The following COL21A1 variants were observed in gnomAD, a reference collection of about 807,000 sequenced individuals.
COL21A1 encodes collagen type XXI alpha 1 chain.
Under a neutral mutation model 137.9 loss-of-function variants are expected in COL21A1, and 149 were observed. The ratio of observed to expected loss-of-function variants is 1.08; its 90% CI spans 0.95 to 1.24. The LOEUF is 1.24. Among genes scored for constraint, COL21A1 ranks in the 50% most tolerant of loss-of-function variants. The probability of loss-of-function intolerance (pLI) is 0.00; values close to 1 mark genes in which losing one functional copy is unlikely to be tolerated. For missense variants in COL21A1, 1,167 were observed against 1,158.4 expected (o/e 1.01, Z -0.11); for synonymous variants, 456 against 391.5 (o/e 1.16, Z -1.95).
At chr6:56,291,351 G>A (rs114450800) in intron 1 of COL21A1, among the ~76,000 whole-genome samples, 339 of 152,252 alleles carry the variant, frequency 2.2e-3, no homozygotes, top group African/African-American at 7.7e-3. Flanking sequence ...CATTTTGAGA[G>A]CACTGGAAAA....
rs527874556 is a variant in COL21A1, at chr6:56,304,307, G to A, written c.-39+89664C>T. Among the ~76,000 whole-genome samples, 338 of 152,042 alleles carry A rather than the reference G, an allele frequency of 2.2e-3. 2 individuals are homozygous for A. Among genetic ancestry groups the A allele is most frequent in the African/African-American group, 7.7e-3 (320 of 41,462 alleles). On this transcript the variant is annotated intron_variant, in intron 1 of 28. Coordinates refer to the COL21A1 transcript ENST00000370819. ...GATTGGAATAGTTTCAGAAGGAATGGTACCAGCTCCTCCTTGTACCTCTGG... is the reference window on the plus strand; with the variant it reads ...GATTGGAATAGTTTCAGAAGGAATGATACCAGCTCCTCCTTGTACCTCTGG...
chr6:56,130,165 T>TTA (rs201644225), intron 12 of COL21A1, among the ~76,000 whole-genome samples: 1,509 of 107,194 alleles, frequency 0.014, 19 homozygotes, highest in Non-Finnish European at 0.017. Flanking sequence ...TGACAGGGTT[T>TTA]TATATATATA....
chr6:56,070,843 G>T lies in COL21A1; in HGVS notation c.1966-45C>A, dbSNP rs372228471. 2,964 of 1,395,878 alleles carry T rather than the reference G, an allele frequency of 2.1e-3. 10 individuals are homozygous for T. Among genetic ancestry groups the T allele is most frequent in the Non-Finnish European group, 2.5e-3 (2,550 of 1,008,770 alleles). 86.5% of individuals were successfully genotyped at this position (1,395,878 alleles called of 1,614,324 possible). On this transcript the variant is annotated intron_variant, in intron 20 of 29. Coordinates refer to ENST00000244728, the MANE Select transcript of COL21A1 (RefSeq NM_030820.4). ...ATTGGAGTTTTTTAAAAACAATTCT[G>T]TCATAATATATCTGATATAGACACT... is the stretch of plus-strand genomic sequence containing the variant.
At chr6:56,081,226 T>C (rs2114151910) in intron 17 of COL21A1, among the ~76,000 whole-genome samples, 1 of 151,924 alleles carries the variant, frequency 6.6e-6, no homozygotes, top group Non-Finnish European at 1.5e-5. Flanking sequence ...TCTTTCTCCA[T>C]TGTAAGGCTT....
intron 1 of COL21A1, among the ~76,000 whole-genome samples, chr6:56,287,579 C>T (rs114140215): frequency 2.3e-3 from 349 of 152,190 alleles, no homozygotes; most frequent in African/African-American, 7.9e-3. Context: ...CCTTCCTCTT[C>T]GCCTTTACCA....
chr6:56,112,729 G>T (rs1351304393), intron 16 of COL21A1, among the ~76,000 whole-genome samples: 1 of 145,076 alleles, frequency 6.9e-6, no homozygotes, highest in African/African-American at 2.6e-5. Flanking sequence ...TTGTTAGCCA[G>T]GCTGGAGTGC....
At chr6:56,265,817 G>A (rs750685524) in intron 1 of COL21A1, among the ~76,000 whole-genome samples, 1 of 152,122 alleles carries the variant, frequency 6.6e-6, no homozygotes, top group African/African-American at 2.4e-5. Flanking sequence ...TTCCTAGATA[G>A]TTTGAAAACA....
chr6:56,355,211 C>G (rs531964457), intron 1 of COL21A1, among the ~76,000 whole-genome samples: 1 of 152,264 alleles, frequency 6.6e-6, no homozygotes, highest in Admixed American at 6.5e-5. Flanking sequence ...AGTACTGACA[C>G]CCGCTATGGA....
chr6:56,249,808 G>A (rs1219596042), upstream of COL21A1, among the ~76,000 whole-genome samples: 3 of 152,102 alleles, frequency 2.0e-5, no homozygotes, highest in Non-Finnish European at 2.9e-5. Flanking sequence ...TGATAGTGAC[G>A]ATTTTGAATA....
intron 17 of COL21A1, among the ~76,000 whole-genome samples, chr6:56,095,372 C>T (rs80127321): frequency 0.01 from 1,555 of 152,240 alleles, 18 homozygotes; most frequent in Non-Finnish European, 0.017. Context: ...CTGCTAGTAC[C>T]TGTTTAGTTC....
At chr6:56,091,330 C>T (rs2114205914) in intron 17 of COL21A1, among the ~76,000 whole-genome samples, 1 of 152,168 alleles carries the variant, frequency 6.6e-6, no homozygotes, top group East Asian at 1.9e-4. Flanking sequence ...TGTGGTTAAG[C>T]AAGAATTTGA....
At chr6:56,329,623 T>C (rs1765174554) in intron 1 of COL21A1, among the ~76,000 whole-genome samples, 1 of 151,994 alleles carries the variant, frequency 6.6e-6, no homozygotes, top group South Asian at 2.1e-4. Context: ...ACAACAGCTG[T>C]TTGTGTAGCA....
At chr6:56,310,049 G>A (rs115434737) in intron 1 of COL21A1, among the ~76,000 whole-genome samples, 126 of 152,300 alleles carry the variant, frequency 8.3e-4, no homozygotes, top group African/African-American at 3.0e-3. Context: ...AAAAGTCCAA[G>A]ATTGATAACT....
intron 1 of COL21A1, among the ~76,000 whole-genome samples, chr6:56,318,604 T>C (rs367868570): frequency 6.6e-6 from 1 of 152,076 alleles, no homozygotes; most frequent in East Asian, 1.9e-4. Context: ...TCTGTCCATG[T>C]TCTCTGCCTT....
rs148204089 is a variant in COL21A1 at position 56,144,936 on chromosome 6, T to C, written c.1435-2953A>G. Among the ~76,000 whole-genome samples the C allele has an allele frequency of 4.6e-3, 699 of 152,320 alleles. 10 individuals are homozygous for C. Among genetic ancestry groups the C allele is most frequent in the African/African-American group, 0.016 (671 of 41,576 alleles). ...CCATAAACTGTTATTATTATCCACTTCACTTTTGAAAAGAAACAAATGGAG... is the reference window on the plus strand; with the variant it reads ...CCATAAACTGTTATTATTATCCACTCCACTTTTGAAAAGAAACAAATGGAG... On this transcript the variant is annotated intron_variant, in intron 10 of 29. Transcript: ENST00000244728.
intron 1 of COL21A1, among the ~76,000 whole-genome samples, chr6:56,305,884 TC>T (rs1347927032): frequency 6.6e-6 from 1 of 151,878 alleles, no homozygotes; most frequent in African/African-American, 2.4e-5. Context: ...GGTTGTTCCT[TC>T]CCATGTTTAG....
intron 9 of COL21A1, among the ~76,000 whole-genome samples, chr6:56,162,914 T>G (rs890906861): frequency 3.9e-5 from 6 of 152,216 alleles, no homozygotes; most frequent in African/African-American, 1.4e-4. Context: ...TTAACTCTTC[T>G]AAATGCTATC....
chr6:56,157,502 G>T (rs1166529797), intron 9 of COL21A1, among the ~76,000 whole-genome samples: 1 of 151,766 alleles, frequency 6.6e-6, no homozygotes, highest in Non-Finnish European at 1.5e-5. Flanking sequence ...GTAGAGATGG[G>T]GTTTCACCAT....
At chr6:56,101,579 C>T (rs1049617671) in intron 16 of COL21A1, 54 bp from the exon 17 acceptor site, 2 of 1,257,790 alleles carry the variant, frequency 1.6e-6, no homozygotes, top group Non-Finnish European at 2.3e-6. Context: ...GGTCTGCTTA[C>T]CAAAATAACA....
Sources: gnomAD v4.1 joint callset for allele counts (sites outside exome capture counted in the v4.1 genomes callset) on GRCh38, gnomAD v4.1.1 for gene constraint, MANE v1.5 for transcripts, NCBI Gene and HGNC (gene_info 2026-07-23, HGNC 2026-07-21) for gene names.